Variants in ACOXL observed in about 807,000 individuals in gnomAD.
ACOXL encodes acyl-CoA oxidase like.
Under a neutral mutation model 71.9 loss-of-function variants are expected in ACOXL, and 70 were observed. That is an observed-to-expected ratio of 0.97 (90% confidence interval 0.80 to 1.19). The LOEUF is 1.19. ACOXL is among the 50% of genes most tolerant of loss of function. The pLI, the probability that ACOXL is intolerant of heterozygous loss-of-function variation, is 0.00. For synonymous variants in ACOXL, 253 were observed against 281.6 expected, an observed-to-expected ratio of 0.90 and a Z score of 1.02; for missense variants, 703 against 736.3, an observed-to-expected ratio of 0.95 and a Z score of 0.52.
intron 12 of ACOXL, among the ~76,000 whole-genome samples, chr2:110,956,304 C>CG (rs2061499421): frequency 6.6e-6 from 1 of 152,138 alleles, no homozygotes; most frequent in South Asian, 2.1e-4. Context: ...CTATGGGTAG[C>CG]GTAGTGCCTA....
chr2:110,936,390 C>G (rs1488382291), intron 12 of ACOXL, among the ~76,000 whole-genome samples: 1 of 152,118 alleles, frequency 6.6e-6, no homozygotes, highest in Non-Finnish European at 1.5e-5. Context: ...CTCAGCCTCC[C>G]AAGTAGCTAG....
At chr2:111,021,258 A>G (rs1347277920) in intron 14 of ACOXL, among the ~76,000 whole-genome samples, 2 of 152,178 alleles carry the variant, frequency 1.3e-5, no homozygotes, top group Non-Finnish European at 2.9e-5. Context: ...CAGAGACCAG[A>G]CAAGAATCCT....
chr2:110,936,122 T>C (rs965654063), intron 12 of ACOXL, among the ~76,000 whole-genome samples: 28 of 152,236 alleles, frequency 1.8e-4, no homozygotes, highest in African/African-American at 6.7e-4. Context: ...GGCCTGGGGA[T>C]TGGGGAACCC....
chr2:110,833,204 A>G (rs1690051671), intron 9 of ACOXL, among the ~76,000 whole-genome samples: 1 of 152,232 alleles, frequency 6.6e-6, no homozygotes, highest in Non-Finnish European at 1.5e-5. Flanking sequence ...TGAAAGATGC[A>G]CTGTGGTGCA....
intron 12 of ACOXL, among the ~76,000 whole-genome samples, chr2:110,947,985 C>G (rs1443572914): frequency 2.0e-5 from 3 of 152,264 alleles, no homozygotes; most frequent in Non-Finnish European, 4.4e-5. Context: ...ACCGTGCCCT[C>G]AGGGCCAGTC....
chr2:110,768,136 A>T (rs1681358843), intron 1 of ACOXL, among the ~76,000 whole-genome samples: 1 of 152,100 alleles, frequency 6.6e-6, no homozygotes, highest in Non-Finnish European at 1.5e-5. Context: ...CATCTCAAAT[A>T]ATAATATTAA....
At chr2:110,922,144 T>C (rs1306614864) in intron 11 of ACOXL, among the ~76,000 whole-genome samples, 1 of 152,232 alleles carries the variant, frequency 6.6e-6, no homozygotes, top group Non-Finnish European at 1.5e-5. Context: ...CATTTCCAAC[T>C]GTAATTATGA....
At chr2:110,889,865 T>C (rs1474711751) in intron 10 of ACOXL, among the ~76,000 whole-genome samples, 3 of 152,174 alleles carry the variant, frequency 2.0e-5, no homozygotes, top group Non-Finnish European at 4.4e-5. Context: ...TAACTCTATG[T>C]TTAACATTTT....
intron 11 of ACOXL, among the ~76,000 whole-genome samples, chr2:110,914,892 A>G (rs1443079057): frequency 6.6e-6 from 1 of 152,172 alleles, no homozygotes; most frequent in Admixed American, 6.5e-5. Context: ...CCGGTATTAT[A>G]TTTAAGGGGT....
chr2:110,894,693 C>T (rs2058935161), intron 10 of ACOXL, among the ~76,000 whole-genome samples: 1 of 152,140 alleles, frequency 6.6e-6, no homozygotes, highest in South Asian at 2.1e-4. Context: ...ACAACTCCTG[C>T]CACCTCCTGC....
intron 12 of ACOXL, among the ~76,000 whole-genome samples, chr2:110,957,768 T>A (rs2061552423): frequency 1.3e-5 from 2 of 152,118 alleles, no homozygotes; most frequent in African/African-American, 2.4e-5. Flanking sequence ...ATAAGAATTT[T>A]GTGGGGGACC....
intron 10 of ACOXL, among the ~76,000 whole-genome samples, chr2:110,895,692 T>C (rs1232604102): frequency 2.2e-5 from 3 of 134,186 alleles, no homozygotes; most frequent in South Asian, 4.7e-4. Context: ...AGAGAAACAA[T>C]TGGAATCATA....
chr2:110,906,586 CAA>C (rs78173066), intron 10 of ACOXL, among the ~76,000 whole-genome samples: 8,827 of 98,848 alleles, frequency 0.089, 410 homozygotes, highest in South Asian at 0.21. Flanking sequence ...ATTTTTCAGC[CAA>C]AAAAAAAAAA....
chr2:110,811,886 C>T (rs750347403), intron 9 of ACOXL, among the ~76,000 whole-genome samples: 1 of 152,124 alleles, frequency 6.6e-6, no homozygotes, highest in Non-Finnish European at 1.5e-5. Flanking sequence ...CTGTGAAATA[C>T]ACAGATTGTT....
chr2:110,943,136 AAAG>A lies in ACOXL; in HGVS notation c.1059+9498_1059+9500del, dbSNP rs1020031531. 2.9e-5 allele frequency among the ~76,000 whole-genome samples: 4 copies of A among 137,186 alleles called. No homozygotes were observed. In the East Asian group the frequency reaches 6.8e-4, roughly 23 times the overall value. The allele number at this position is 137,186 out of a possible 152,430, so 90.0% of individuals were successfully genotyped here. A position where few individuals can be genotyped will look rare whatever the true frequency, so the allele number is the denominator to read the frequency against. On this transcript the variant is annotated intron_variant, in intron 12 of 17. Transcript: ENST00000439055. ...AGAGGAAGGAAAGGAAGAAGGAAGG[AAAG>A]AAGGAAGAAAGAGAAAGAAAAAGAA...
intron 10 of ACOXL, among the ~76,000 whole-genome samples, chr2:110,894,042 A>C (rs190149030): frequency 6.6e-6 from 1 of 152,088 alleles, no homozygotes; most frequent in Admixed American, 6.6e-5. Flanking sequence ...TTATCAGTCA[A>C]TTTTCACACT....
intron 13 of ACOXL, among the ~76,000 whole-genome samples, chr2:110,995,455 G>A (rs13339827): frequency 0.092 from 11,900 of 129,278 alleles, 613 homozygotes; most frequent in East Asian, 0.23. Context: ...AGCCGAGATC[G>A]TGCCACTGCA....
chr2:110,750,704 AT>A (rs1001477832), intron 1 of ACOXL, among the ~76,000 whole-genome samples: 20 of 147,602 alleles, frequency 1.4e-4, no homozygotes, highest in Admixed American at 1.0e-3. Flanking sequence ...TATATGTATA[AT>A]TTTTTTTTTG....
intron 10 of ACOXL, among the ~76,000 whole-genome samples, chr2:110,869,326 T>A (rs1197760712): frequency 1.3e-5 from 2 of 152,208 alleles, no homozygotes; most frequent in African/African-American, 4.8e-5. Context: ...TGTTTAGGCA[T>A]GTATCAGAGC....
Sources: gnomAD v4.1 joint callset for allele counts (sites outside exome capture counted in the v4.1 genomes callset) on GRCh38, gnomAD v4.1.1 for gene constraint, MANE v1.5 for transcripts, NCBI Gene and HGNC (gene_info 2026-07-23, HGNC 2026-07-21) for gene names.